DKK2: variants seen among roughly 807,000 people sequenced by gnomAD.
DKK2 encodes dickkopf Wnt signaling pathway inhibitor 2.
DKK2 carries 11 observed loss-of-function variants against 28.1 expected under a neutral mutation model. The ratio of observed to expected loss-of-function variants is 0.39; its 90% confidence interval spans 0.25 to 0.65. The LOEUF (loss-of-function observed/expected upper bound fraction) is 0.65, where lower values mean the gene tolerates loss of function less well. DKK2 is among the 30% of genes least tolerant of loss of function. The pLI, the probability that DKK2 is intolerant of heterozygous loss-of-function variation, is 0.47. For synonymous variants in DKK2, 135 were observed against 126.5 expected (o/e 1.07, Z -0.45); for missense variants, 326 against 335.5 (o/e 0.97, Z 0.22).
intron 1 of DKK2, among the ~76,000 whole-genome samples, chr4:107,004,419 T>C (rs1723407806): frequency 6.6e-6 from 1 of 152,226 alleles, no homozygotes; most frequent in South Asian, 2.1e-4. Context: ...TGTTCGAGGA[T>C]GACTTAGACC....
chr4:106,954,778 C>T (rs565506212), intron 1 of DKK2, among the ~76,000 whole-genome samples: 2 of 152,294 alleles, frequency 1.3e-5, no homozygotes, highest in East Asian at 1.9e-4. Context: ...GCCTCGCCCT[C>T]GCAAAGTGCT....
intron 1 of DKK2, among the ~76,000 whole-genome samples, chr4:106,970,517 A>T (rs745586012): frequency 3.9e-5 from 6 of 152,080 alleles, no homozygotes; most frequent in Non-Finnish European, 8.8e-5. Flanking sequence ...TATCATGATT[A>T]TATAACCCTT....
chr4:106,949,925 TA>T (rs966981822), intron 1 of DKK2, among the ~76,000 whole-genome samples: 1 of 152,074 alleles, frequency 6.6e-6, no homozygotes, highest in African/African-American at 2.4e-5. Context: ...CCAGCATTAT[TA>T]AAAAAATTAT....
intron 1 of DKK2, among the ~76,000 whole-genome samples, chr4:106,971,660 C>A (rs1722869900): frequency 6.6e-6 from 1 of 152,030 alleles, no homozygotes. Context: ...TTATAGTGTT[C>A]TTTGATCCAT....
At chr4:107,031,497 C>A (rs949162208) in intron 1 of DKK2, among the ~76,000 whole-genome samples, 1 of 151,966 alleles carries the variant, frequency 6.6e-6, no homozygotes, top group Admixed American at 6.6e-5. Flanking sequence ...TTCAAGAATT[C>A]TTTTCTCACA....
At chr4:107,016,526 T>C (rs934499901) in intron 1 of DKK2, among the ~76,000 whole-genome samples, 1 of 151,992 alleles carries the variant, frequency 6.6e-6, no homozygotes, top group African/African-American at 2.4e-5. Context: ...TCCTTATATA[T>C]CCTATTCAGC....
chr4:106,978,324 C>T (rs1025019526), intron 1 of DKK2, among the ~76,000 whole-genome samples: 6 of 152,138 alleles, frequency 3.9e-5, no homozygotes, highest in Admixed American at 3.3e-4. Context: ...TTTAGGTCTG[C>T]GGAAGCTGCG....
chr4:106,931,200 C>T (rs1267823384), intron 1 of DKK2, among the ~76,000 whole-genome samples: 1 of 152,074 alleles, frequency 6.6e-6, no homozygotes, highest in African/African-American at 2.4e-5. Context: ...TCATGAACAT[C>T]AGGCCAGGGG....
chr4:106,982,917 A>G (rs1723046829), intron 1 of DKK2, among the ~76,000 whole-genome samples: 1 of 150,586 alleles, frequency 6.6e-6, no homozygotes, highest in Non-Finnish European at 1.5e-5. Flanking sequence ...CCTTCTATAC[A>G]TTGGGGAGGG....
At chr4:106,997,901 A>G (rs1723298786) in intron 1 of DKK2, among the ~76,000 whole-genome samples, 1 of 152,170 alleles carries the variant, frequency 6.6e-6, no homozygotes, top group African/African-American at 2.4e-5. Flanking sequence ...TTTTGTGAAA[A>G]TGGATTCCAT....
At chr4:106,967,640 G>C (rs1485416756) in intron 1 of DKK2, among the ~76,000 whole-genome samples, 2 of 152,048 alleles carry the variant, frequency 1.3e-5, no homozygotes, top group Non-Finnish European at 2.9e-5. Context: ...CTCTGCCAGG[G>C]CTTTTGTGAA....
intron 1 of DKK2, among the ~76,000 whole-genome samples, chr4:106,998,278 G>T (rs1723304251): frequency 6.6e-6 from 1 of 152,064 alleles, no homozygotes; most frequent in African/African-American, 2.4e-5. Flanking sequence ...CTCAAAATGT[G>T]GTAGCTCTCA....
At chr4:107,017,671 C>T (rs971293618) in intron 1 of DKK2, among the ~76,000 whole-genome samples, 1 of 149,472 alleles carries the variant, frequency 6.7e-6, no homozygotes, top group Admixed American at 6.6e-5. Flanking sequence ...CTGGGCTCTG[C>T]ACTGAGAAAT....
At chr4:106,983,736 T>C (rs1357379139) in intron 1 of DKK2, among the ~76,000 whole-genome samples, 1 of 152,176 alleles carries the variant, frequency 6.6e-6, no homozygotes, top group African/African-American at 2.4e-5. Flanking sequence ...ATTTCAAATA[T>C]ATAAAGAACT....
At chr4:106,994,964 A>T (rs1723251031) in intron 1 of DKK2, among the ~76,000 whole-genome samples, 1 of 152,226 alleles carries the variant, frequency 6.6e-6, no homozygotes, top group Non-Finnish European at 1.5e-5. Context: ...ATTCTACAAC[A>T]AAAATTTCTC....
intron 1 of DKK2, among the ~76,000 whole-genome samples, chr4:107,025,128 A>C (rs1288075697): frequency 6.6e-6 from 1 of 152,116 alleles, no homozygotes; most frequent in African/African-American, 2.4e-5. Context: ...GGAAACTGAG[A>C]GAGGACTGGG....
chr4:107,003,515 C>G (rs1216617373), intron 1 of DKK2, among the ~76,000 whole-genome samples: 1 of 152,226 alleles, frequency 6.6e-6, no homozygotes, highest in Admixed American at 6.5e-5. Flanking sequence ...CCAGCATATA[C>G]CTTCATTGCA....
chr4:106,927,933 A>T (rs1724446374), intron 1 of DKK2, among the ~76,000 whole-genome samples: 1 of 152,206 alleles, frequency 6.6e-6, no homozygotes, highest in Non-Finnish European at 1.5e-5. Flanking sequence ...CAACTCAAAT[A>T]ACAAGTCCTC....
chr4:107,016,562 T>C (rs1723608187), intron 1 of DKK2, among the ~76,000 whole-genome samples: 1 of 152,000 alleles, frequency 6.6e-6, no homozygotes, highest in Non-Finnish European at 1.5e-5. Context: ...AAATTATTTT[T>C]TGGTGAGCAA....
Sources: gnomAD v4.1 joint callset for allele counts (sites outside exome capture counted in the v4.1 genomes callset) on GRCh38, gnomAD v4.1.1 for gene constraint, MANE v1.5 for transcripts, NCBI Gene and HGNC (gene_info 2026-07-23, HGNC 2026-07-21) for gene names.